Variants in PPP3R1 observed in about 807,000 individuals in gnomAD.
PPP3R1 encodes calcineurin subunit B type 1.
PPP3R1 carries 5 observed loss-of-function variants against 22.6 expected under a neutral mutation model. The observed-to-expected ratio is 0.22, with a 90% CI of 0.12 to 0.46. PPP3R1 has a LOEUF of 0.46. Among genes scored for constraint, PPP3R1 ranks in the 20% least tolerant of loss-of-function variants. The probability of loss-of-function intolerance (pLI) is 0.99; values close to 1 mark genes in which losing one functional copy is unlikely to be tolerated. For synonymous variants in PPP3R1, 56 were observed against 65.2 expected, an observed-to-expected ratio of 0.86 and a Z score of 0.68; for missense variants, 61 against 203.2, an observed-to-expected ratio of 0.30 and a Z score of 4.25.
chr2:68,189,432 CTT>C (rs576074569), intron 2 of PPP3R1, among the ~76,000 whole-genome samples: 47 of 152,292 alleles, frequency 3.1e-4, no homozygotes, highest in African/African-American at 1.1e-3. Context: ...TGTCAGGTCT[CTT>C]ATATAAATTC....
intron 2 of PPP3R1, among the ~76,000 whole-genome samples, chr2:68,192,135 A>T (rs1236084186): frequency 2.0e-5 from 3 of 152,208 alleles, no homozygotes; most frequent in South Asian, 2.1e-4. Flanking sequence ...ACCAATCAGC[A>T]AACCATTCAG....
intron 1 of PPP3R1, 31 bp from the exon 2 acceptor site, chr2:68,217,162 A>C: frequency 6.6e-7 from 1 of 1,504,956 alleles, no homozygotes; most frequent in Non-Finnish European, 9.1e-7. Context: ...AATTAGTCAT[A>C]AAATAGGCAC....
intron 1 of PPP3R1, among the ~76,000 whole-genome samples, chr2:68,232,096 T>TA (rs750643360): frequency 0.031 from 2,325 of 73,904 alleles, 135 homozygotes; most frequent in African/African-American, 0.1. Context: ...CCGTATCTAC[T>TA]AAAAAAAAAA....
At chr2:68,233,316 T>G (rs530362822) in intron 1 of PPP3R1, among the ~76,000 whole-genome samples, 6 of 152,358 alleles carry the variant, frequency 3.9e-5, no homozygotes, top group African/African-American at 1.4e-4. Flanking sequence ...TGAATTATCA[T>G]TAAATATGCT....
intron 1 of PPP3R1, among the ~76,000 whole-genome samples, chr2:68,236,175 T>A (rs1328123700): frequency 6.6e-6 from 1 of 152,230 alleles, no homozygotes; most frequent in African/African-American, 2.4e-5. Flanking sequence ...TTAATTTTGA[T>A]GATATACAAT....
Position 68,227,615 on chromosome 2 carries a change from A to C in PPP3R1, c.4-10484T>G, listed in dbSNP as rs1354426799. On this transcript the variant is annotated intron_variant, in intron 1 of 5. Transcript: ENST00000234310. ...AAACCTTAAAATTTCTAGTCTGATA[A>C]ATGCTGCCATAATTACAATCTATAA... Among the ~76,000 whole-genome samples the C allele has an allele frequency of 2.6e-5, 4 of 152,048 alleles. No individual in the cohort carries two copies. In the East Asian group the frequency reaches 7.7e-4, roughly 29 times the overall value.
chr2:68,191,499 G>C (rs1674667942), intron 2 of PPP3R1, among the ~76,000 whole-genome samples: 1 of 152,230 alleles, frequency 6.6e-6, no homozygotes, highest in Non-Finnish European at 1.5e-5. Flanking sequence ...GAGCCAGTGA[G>C]TGACTGGTGA....
In PPP3R1 at chr2:68,217,403, A is replaced by G. The variant is rs1193259421; in HGVS notation, c.4-272T>C. 2.0e-5 allele frequency among the ~76,000 whole-genome samples: 3 copies of G among 152,202 alleles called. No homozygotes were observed. The East Asian group carries it at 5.8e-4, about 29-fold the overall frequency. The stretch of plus-strand genomic sequence containing the variant: ...TTGCAATATATTTCAAATATTTTCT[A>G]ATACCCTAAATAAGTTATATGCCAA... On this transcript the variant is annotated intron_variant, in intron 1 of 5. Transcript: ENST00000234310.
chr2:68,240,891 A>C (rs1471759183), intron 1 of PPP3R1, among the ~76,000 whole-genome samples: 1 of 152,244 alleles, frequency 6.6e-6, no homozygotes, highest in Non-Finnish European at 1.5e-5. Flanking sequence ...CCAAACCTAC[A>C]TCAAAGGCTG....
chr2:68,196,499 A>G (rs1327596126), intron 2 of PPP3R1, among the ~76,000 whole-genome samples: 1 of 152,206 alleles, frequency 6.6e-6, no homozygotes, highest in East Asian at 1.9e-4. Context: ...GTATATTATG[A>G]AATGAACACA....
chr2:68,233,486 G>C (rs986955435), intron 1 of PPP3R1, among the ~76,000 whole-genome samples: 3 of 151,930 alleles, frequency 2.0e-5, no homozygotes, highest in African/African-American at 7.3e-5. Context: ...CCAATATTTA[G>C]GCAAATTCTC....
intron 2 of PPP3R1, 35 bp downstream of exon 2, chr2:68,217,057 T>C (rs1350779212): frequency 3.3e-6 from 5 of 1,497,192 alleles, no homozygotes; most frequent in African/African-American, 1.5e-5. Context: ...GATGAGTGAA[T>C]AAAAGTAACT....
chr2:68,179,042 G>A lies in PPP3R1; in HGVS notation c.*1921C>T, dbSNP rs989884853. ...GAAAAAGAAAAAACCCTCATTCCCC[G>A]GTAAGGAAATAATGTTTACACTATT... On this transcript the variant is annotated 3_prime_UTR_variant, in exon 6 of 6. Transcript: ENST00000234310. 9 of 145,470 alleles carry A rather than the reference G, an allele frequency of 6.2e-5. No individual in the cohort carries two copies. The highest frequency in any genetic ancestry group is 2.2e-4 in the South Asian group (1 of 4,484). 9.0% of individuals were successfully genotyped at this position (145,470 alleles called of 1,614,324 possible).
At chr2:68,191,484 T>C (rs1003114929) in intron 2 of PPP3R1, among the ~76,000 whole-genome samples, 22 of 152,246 alleles carry the variant, frequency 1.4e-4, no homozygotes, top group Non-Finnish European at 2.9e-4. Context: ...GAAGCTGCTC[T>C]GGGTGAGCCA....
chr2:68,236,495 G>A (rs1007916064), intron 1 of PPP3R1, among the ~76,000 whole-genome samples: 1 of 152,162 alleles, frequency 6.6e-6, no homozygotes, highest in African/African-American at 2.4e-5. Flanking sequence ...AAAGAGCTTC[G>A]GGGAGACGAT....
At chr2:68,230,194 T>C (rs1261018559) in intron 1 of PPP3R1, among the ~76,000 whole-genome samples, 2 of 152,096 alleles carry the variant, frequency 1.3e-5, no homozygotes, top group Non-Finnish European at 1.5e-5. Context: ...GGTTTCACCA[T>C]GTTGCCCAGG....
chr2:68,213,108 G>A lies in PPP3R1; in HGVS notation c.43+3984C>T, dbSNP rs114481901. On this transcript the variant is annotated intron_variant, in intron 2 of 5. Transcript: ENST00000234310. ...AAAAATTTACCCATATAAGCAATAA[G>A]ACTGTTTCATTTTCTTATCATTCGT... Among the ~76,000 whole-genome samples the A allele has an allele frequency of 5.9e-3, 895 of 152,310 alleles. 6 individuals are homozygous for A. Among genetic ancestry groups the A allele is most frequent in the African/African-American group, 0.019 (801 of 41,558 alleles).
chr2:68,205,695 A>G (rs1180247669), intron 2 of PPP3R1, among the ~76,000 whole-genome samples: 1 of 152,238 alleles, frequency 6.6e-6, no homozygotes, highest in Admixed American at 6.5e-5. Flanking sequence ...TGTGGCAATT[A>G]GACAATGTGT....
chr2:68,241,396 A>C (rs1670134364), intron 1 of PPP3R1, among the ~76,000 whole-genome samples: 1 of 152,196 alleles, frequency 6.6e-6, no homozygotes, highest in Admixed American at 6.5e-5. Flanking sequence ...TCACAATTTA[A>C]GGTGTTGTTA....
Sources: allele counts gnomAD v4.1 joint callset (sites outside exome capture counted in the v4.1 genomes callset), GRCh38; gene constraint gnomAD v4.1.1; transcripts MANE v1.5; gene names NCBI Gene and HGNC (gene_info 2026-07-23, HGNC 2026-07-21).